Variants in DPP10 observed in about 807,000 individuals in gnomAD.
DPP10 encodes the protein dipeptidyl peptidase like 10.
DPP10 carries 33 observed loss-of-function variants against 120.9 expected under a neutral mutation model. The ratio of observed to expected loss-of-function variants is 0.27; its 90% CI spans 0.21 to 0.37. The LOEUF is 0.37. Ranked by LOEUF, DPP10 falls within the 10% of genes least tolerant of loss-of-function variation. DPP10 has a pLI of 1.00. For synonymous variants in DPP10, 337 were observed against 326.1 expected, an observed-to-expected ratio of 1.03 and a Z score of -0.36; for missense variants, 816 against 942.8, an observed-to-expected ratio of 0.87 and a Z score of 1.76.
chr2:115,274,932 C>T (rs1029543605), intron 1 of DPP10, among the ~76,000 whole-genome samples: 2 of 152,128 alleles, frequency 1.3e-5, no homozygotes, highest in Non-Finnish European at 2.9e-5. Flanking sequence ...CACTTGTGTT[C>T]AGCACCTCGC....
intron 1 of DPP10, among the ~76,000 whole-genome samples, chr2:115,280,904 C>T (rs1160507519): frequency 2.0e-5 from 3 of 152,124 alleles, no homozygotes; most frequent in African/African-American, 7.2e-5. Context: ...GAATTCTATC[C>T]TATCTTCCAC....
intron 1 of DPP10, among the ~76,000 whole-genome samples, chr2:114,975,957 T>C (rs1198082785): frequency 1.3e-5 from 2 of 152,192 alleles, no homozygotes; most frequent in African/African-American, 4.8e-5. Flanking sequence ...AGCCAATCAA[T>C]TGCTTTAAAT....
At chr2:115,203,672 C>T (rs1307841595) in intron 1 of DPP10, among the ~76,000 whole-genome samples, 2 of 152,138 alleles carry the variant, frequency 1.3e-5, no homozygotes, top group Non-Finnish European at 2.9e-5. Context: ...GACACATGCA[C>T]ACAAATCCAT....
chr2:114,533,990 A>T (rs1412867738), intron 1 of DPP10, among the ~76,000 whole-genome samples: 1 of 152,174 alleles, frequency 6.6e-6, no homozygotes, highest in African/African-American at 2.4e-5. Context: ...CTGCTGTGAT[A>T]TCTCTTTCTA....
intron 1 of DPP10, among the ~76,000 whole-genome samples, chr2:115,052,692 C>G (rs1217796930): frequency 6.6e-6 from 1 of 152,130 alleles, no homozygotes; most frequent in Non-Finnish European, 1.5e-5. Flanking sequence ...TGGCTCACAC[C>G]TATAATCCTA....
At chr2:115,617,108 G>C (rs1181495682) in intron 5 of DPP10, among the ~76,000 whole-genome samples, 1 of 149,296 alleles carries the variant, frequency 6.7e-6, no homozygotes, top group African/African-American at 2.4e-5. Flanking sequence ...ATTTTTTTCA[G>C]GTGCTGGGGA....
At chr2:114,463,125 T>A (rs1358490843) in intron 1 of DPP10, among the ~76,000 whole-genome samples, 1 of 152,178 alleles carries the variant, frequency 6.6e-6, no homozygotes, top group Non-Finnish European at 1.5e-5. Context: ...GATTCATCGC[T>A]TCTAGGCCCT....
chr2:115,705,185 G>C (rs1052812630), intron 7 of DPP10, among the ~76,000 whole-genome samples: 1 of 151,796 alleles, frequency 6.6e-6, no homozygotes, highest in Admixed American at 6.6e-5. Flanking sequence ...TAACAATTGT[G>C]AACTATTTGA....
chr2:115,471,263 T>G (rs1166237668), intron 3 of DPP10, among the ~76,000 whole-genome samples: 1 of 152,164 alleles, frequency 6.6e-6, no homozygotes, highest in African/African-American at 2.4e-5. Flanking sequence ...GTCAGCTAAG[T>G]GGGGAAAGGA....
chr2:115,376,812 T>A (rs1167188803), intron 3 of DPP10, among the ~76,000 whole-genome samples: 1 of 150,816 alleles, frequency 6.6e-6, no homozygotes, highest in Non-Finnish European at 1.5e-5. Flanking sequence ...TTTGGTTTTT[T>A]GTTCTTGCGA....
intron 1 of DPP10, among the ~76,000 whole-genome samples, chr2:115,236,378 G>A (rs2058009694): frequency 6.6e-6 from 1 of 152,102 alleles, no homozygotes; most frequent in Non-Finnish European, 1.5e-5. Context: ...TTAGATGTCT[G>A]GTAGGAACCC....
chr2:115,053,863 G>T (rs955638979), intron 1 of DPP10, among the ~76,000 whole-genome samples: 4 of 152,020 alleles, frequency 2.6e-5, no homozygotes, highest in Non-Finnish European at 5.9e-5. Flanking sequence ...AGCATTTTGA[G>T]GATACAAATA....
intron 1 of DPP10, among the ~76,000 whole-genome samples, chr2:114,712,048 G>C (rs1415340046): frequency 6.6e-6 from 1 of 152,108 alleles, no homozygotes; most frequent in Admixed American, 6.5e-5. Flanking sequence ...GGCTGGGCAC[G>C]GTGGCTCACA....
intron 1 of DPP10, among the ~76,000 whole-genome samples, chr2:114,579,652 T>C (rs1690335068): frequency 6.6e-6 from 1 of 152,146 alleles, no homozygotes; most frequent in African/African-American, 2.4e-5. Context: ...ACAAAATCAG[T>C]ATAAGACTTG....
intron 1 of DPP10, among the ~76,000 whole-genome samples, chr2:115,036,052 G>A: frequency 6.6e-6 from 1 of 152,192 alleles, no homozygotes; most frequent in East Asian, 1.9e-4. Context: ...ATTTATAAAG[G>A]AGAGAGGTTT....
chr2:114,749,548 C>CTTTTGTTTTATTTTA (rs956344833), intron 1 of DPP10, among the ~76,000 whole-genome samples: 1 of 125,580 alleles, frequency 8.0e-6, no homozygotes, highest in Admixed American at 8.2e-5. Context: ...TCTAGCACTG[C>CTTTTGTTTTATTTTA]TTTTATTTTA....
intron 5 of DPP10, among the ~76,000 whole-genome samples, chr2:115,537,080 A>C (rs1481781155): frequency 1.3e-5 from 2 of 151,994 alleles, no homozygotes; most frequent in Non-Finnish European, 2.9e-5. Context: ...ATTTCTATAG[A>C]AATAATATCA....
rs1292383568 is a variant in DPP10, at chr2:115,220,702, T to C, written c.61-88537T>C. On this transcript the variant is annotated intron_variant, in intron 1 of 25. Transcript: ENST00000410059. ...AAATTATTAGACTTGCCTAAACTTG[T>C]AGTTCATTTAGTTGATATTGCTGAA... Among the ~76,000 whole-genome samples the C allele has an allele frequency of 2.0e-5, 3 of 152,338 alleles. No homozygotes were observed. The East Asian group carries it at 5.8e-4, about 29-fold the overall frequency.
chr2:114,573,834 T>A (rs937284170), intron 1 of DPP10, among the ~76,000 whole-genome samples: 2 of 152,174 alleles, frequency 1.3e-5, no homozygotes, highest in Non-Finnish European at 2.9e-5. Context: ...AACTAAAAAG[T>A]AATTGCTGTC....
Sources: allele counts gnomAD v4.1 joint callset (sites outside exome capture counted in the v4.1 genomes callset), GRCh38; gene constraint gnomAD v4.1.1; transcripts MANE v1.5; gene names NCBI Gene and HGNC (gene_info 2026-07-23, HGNC 2026-07-21).